CSMD1: variants seen among roughly 807,000 people sequenced by gnomAD.
CSMD1 encodes the protein CUB and sushi domain-containing protein 1.
Under a neutral mutation model 417.5 loss-of-function variants are expected in CSMD1, and 213 were observed. The observed-to-expected ratio is 0.51, with a 90% confidence interval of 0.46 to 0.57. The LOEUF (loss-of-function observed/expected upper bound fraction) is 0.57. Among genes scored for constraint, CSMD1 ranks in the 20% least tolerant of loss-of-function variants. CSMD1 has a pLI of 0.00. For synonymous variants in CSMD1, 2,862 were observed against 1,736.8 expected, an observed-to-expected ratio of 1.65 and a Z score of -16.11; for missense variants, 6,923 against 4,529.7, an observed-to-expected ratio of 1.53 and a Z score of -15.17.
At chr8:3,656,061 C>T (rs1357886128) in intron 7 of CSMD1, among the ~76,000 whole-genome samples, 1 of 152,124 alleles carries the variant, frequency 6.6e-6, no homozygotes, top group Non-Finnish European at 1.5e-5. Flanking sequence ...AGATATATTT[C>T]AAATAATGCC....
chr8:4,834,538 C>T (rs2116735288), intron 1 of CSMD1, among the ~76,000 whole-genome samples: 1 of 152,108 alleles, frequency 6.6e-6, no homozygotes, highest in East Asian at 1.9e-4. Context: ...GGTGAGCTTT[C>T]TGAAAACAAC....
intron 1 of CSMD1, among the ~76,000 whole-genome samples, chr8:4,951,762 C>G (rs1384658422): frequency 6.6e-6 from 1 of 151,686 alleles, no homozygotes; most frequent in Non-Finnish European, 1.5e-5. Context: ...CACCCACACC[C>G]CCTACCTTTC....
intron 5 of CSMD1, among the ~76,000 whole-genome samples, chr8:3,775,080 T>C (rs1395823907): frequency 6.6e-6 from 1 of 152,170 alleles, no homozygotes; most frequent in Non-Finnish European, 1.5e-5. Context: ...GAATTGTTTG[T>C]TTCTGGAATT....
intron 10 of CSMD1, among the ~76,000 whole-genome samples, chr8:3,518,458 A>T (rs1215328860): frequency 6.6e-6 from 1 of 152,200 alleles, no homozygotes; most frequent in Non-Finnish European, 1.5e-5. Flanking sequence ...GACACATAGA[A>T]ACAATATTGC....
chr8:3,764,512 G>A (rs149788594), intron 5 of CSMD1, among the ~76,000 whole-genome samples: 16 of 152,242 alleles, frequency 1.1e-4, no homozygotes, highest in Non-Finnish European at 2.4e-4. Context: ...CCTGGGTGAC[G>A]GATGTCACAC....
intron 2 of CSMD1, among the ~76,000 whole-genome samples, chr8:4,605,102 C>CA (rs1474171490): frequency 4.6e-5 from 7 of 152,128 alleles, no homozygotes; most frequent in African/African-American, 1.7e-4. Context: ...TAACCTGTAC[C>CA]AAAGTATTTT....
chr8:4,946,182 G>C (rs913383181), intron 1 of CSMD1, among the ~76,000 whole-genome samples: 2 of 152,154 alleles, frequency 1.3e-5, no homozygotes. Flanking sequence ...ACTCCGTGTT[G>C]TTTTGGTCTG....
intron 25 of CSMD1, among the ~76,000 whole-genome samples, chr8:3,289,612 C>T (rs1164734755): frequency 6.8e-6 from 1 of 147,270 alleles, no homozygotes; most frequent in African/African-American, 2.7e-5. Context: ...CTTTTGGCTG[C>T]ATAAATGTCT....
At chr8:3,832,630 G>A (rs868183218) in intron 5 of CSMD1, among the ~76,000 whole-genome samples, 3 of 152,098 alleles carry the variant, frequency 2.0e-5, no homozygotes, top group Non-Finnish European at 4.4e-5. Flanking sequence ...TGAAGGAGTC[G>A]AAGATTTCAA....
At chr8:3,173,391 C>T (rs1820704428) in intron 37 of CSMD1, among the ~76,000 whole-genome samples, 1 of 152,062 alleles carries the variant, frequency 6.6e-6, no homozygotes, top group Non-Finnish European at 1.5e-5. Flanking sequence ...GCACTTAGAA[C>T]AGTAGGGATG....
chr8:3,251,416 G>C (rs1175015698), intron 26 of CSMD1, among the ~76,000 whole-genome samples: 7 of 152,080 alleles, frequency 4.6e-5, no homozygotes, highest in Non-Finnish European at 8.8e-5. Flanking sequence ...CTGTTGCATT[G>C]GTCTATATCT....
chr8:4,585,700 G>A (rs1411836733), intron 2 of CSMD1, among the ~76,000 whole-genome samples: 1 of 152,176 alleles, frequency 6.6e-6, no homozygotes, highest in Non-Finnish European at 1.5e-5. Context: ...CAGAGGTAAT[G>A]AATGCTGTCT....
chr8:3,192,036 G>C (rs772607148), intron 33 of CSMD1, among the ~76,000 whole-genome samples: 1 of 152,140 alleles, frequency 6.6e-6, no homozygotes, highest in Non-Finnish European at 1.5e-5. Flanking sequence ...ACCAACGACA[G>C]ACATTATTTG....
rs758298436 is a variant in CSMD1 at position 3,230,123 on chromosome 8, T to A, written c.4262A>T (p.Tyr1421Phe). 2.5e-6 allele frequency: 4 copies of A among 1,613,812 alleles called. No homozygotes were observed. In the South Asian group the frequency reaches 4.4e-5, roughly 18 times the overall value. Residue 1421 changes from tyrosine (Y) to phenylalanine (F), a missense_variant, in exon 27 of 70, where the codon TAT (tyrosine) becomes TTT (phenylalanine). By Grantham distance (22) the Tyr-to-Phe change is conservative. Coordinates refer to ENST00000635120, the MANE Select transcript of CSMD1 (RefSeq NM_033225.6). The stretch of plus-strand genomic sequence containing the variant: ...GATTTTGGCTTGTCCTTGGAGCTGA[T>A]AGCCAGGGTCACACTGGAATGTGAC... Reference protein sequence around the residue: ...DTVTFQCDPGYQLQGQAKITC... With the variant: ...DTVTFQCDPGFQLQGQAKITC...
chr8:4,272,284 T>C (rs1804652760), intron 3 of CSMD1, among the ~76,000 whole-genome samples: 1 of 152,186 alleles, frequency 6.6e-6, no homozygotes, highest in Admixed American at 6.5e-5. Context: ...AACTTATAAA[T>C]AGAAAAACAT....
chr8:3,151,639 A>G, intron 39 of CSMD1, 126 bp from the exon 40 acceptor site: 3 of 635,178 alleles, frequency 4.7e-6, no homozygotes, highest in East Asian at 2.7e-5. Flanking sequence ...GCCCCTAATT[A>G]CAGCACACGA....
chr8:3,824,411 A>C (rs1801930343), intron 5 of CSMD1, among the ~76,000 whole-genome samples: 1 of 152,180 alleles, frequency 6.6e-6, no homozygotes, highest in South Asian at 2.1e-4. Flanking sequence ...CCCAATGGGA[A>C]AGATGAATAG....
At chr8:4,076,072 A>T (rs1226861614) in intron 3 of CSMD1, among the ~76,000 whole-genome samples, 1 of 152,138 alleles carries the variant, frequency 6.6e-6, no homozygotes, top group Non-Finnish European at 1.5e-5. Flanking sequence ...GTCCCCACCC[A>T]AATCTCATCT....
intron 3 of CSMD1, among the ~76,000 whole-genome samples, chr8:4,107,911 A>G (rs961704927): frequency 1.3e-4 from 20 of 152,340 alleles, no homozygotes; most frequent in Non-Finnish European, 2.4e-4. Context: ...ACTGAAACAA[A>G]TAACATTTTC....
Sources: gnomAD v4.1 joint callset for allele counts (sites outside exome capture counted in the v4.1 genomes callset) on GRCh38, gnomAD v4.1.1 for gene constraint, MANE v1.5 for transcripts, NCBI Gene and HGNC (gene_info 2026-07-23, HGNC 2026-07-21) for gene names.